Variants in MIR2052HG observed in about 807,000 individuals in gnomAD.
MIR2052HG encodes the protein MIR2052 host gene.
At chr8:74,653,206 C>T (rs1410693406) in intron 2 of MIR2052HG, among the ~76,000 whole-genome samples, 2 of 152,260 alleles carry the variant, frequency 1.3e-5, no homozygotes, top group African/African-American at 4.8e-5. Flanking sequence ...TTAATTCTAT[C>T]CTCTTATCAT....
At chr8:74,647,953 A>G (rs970860021) in intron 2 of MIR2052HG, among the ~76,000 whole-genome samples, 27 of 152,152 alleles carry the variant, frequency 1.8e-4, no homozygotes, top group African/African-American at 6.3e-4. Flanking sequence ...ATGTCACCTC[A>G]AGACCACTAT....
chr8:74,621,002 T>G (rs935412438), intron 2 of MIR2052HG, among the ~76,000 whole-genome samples: 2 of 152,358 alleles, frequency 1.3e-5, no homozygotes, highest in Admixed American at 1.3e-4. Flanking sequence ...AAGTTCAAAG[T>G]TCCACAGATC....
At chr8:74,711,201 G>A (rs1335706560) in intron 4 of MIR2052HG, among the ~76,000 whole-genome samples, 2 of 152,162 alleles carry the variant, frequency 1.3e-5, no homozygotes, top group African/African-American at 4.8e-5. Context: ...TATTCTAGCT[G>A]TCACACATTC....
chr8:74,648,628 ATT>A (rs1203100391), intron 2 of MIR2052HG, among the ~76,000 whole-genome samples: 5 of 152,076 alleles, frequency 3.3e-5, no homozygotes, highest in African/African-American at 1.2e-4. Context: ...CAGCTGTAAA[ATT>A]TCTCTCTTTG....
At chr8:74,682,119 C>T (rs1809132072) in intron 2 of MIR2052HG, among the ~76,000 whole-genome samples, 2 of 152,172 alleles carry the variant, frequency 1.3e-5, no homozygotes, top group South Asian at 2.1e-4. Context: ...CATATCAAAA[C>T]ATCATGTTGT....
chr8:74,725,480 C>T (rs972855763), intron 4 of MIR2052HG, among the ~76,000 whole-genome samples: 12 of 152,186 alleles, frequency 7.9e-5, no homozygotes, highest in African/African-American at 2.2e-4. Context: ...ATAATGGCAA[C>T]GGGGTGGCTA....
intron 2 of MIR2052HG, among the ~76,000 whole-genome samples, chr8:74,685,222 T>A (rs2128739427): frequency 6.6e-6 from 1 of 152,210 alleles, no homozygotes; most frequent in Non-Finnish European, 1.5e-5. Context: ...TTAAAATAAT[T>A]TCTTTCTTCT....
chr8:74,674,104 T>TACATGGTGTAGACCGG (rs1264941192), intron 2 of MIR2052HG, among the ~76,000 whole-genome samples: 33 of 150,660 alleles, frequency 2.2e-4, no homozygotes, highest in African/African-American at 7.6e-4. Context: ...GTTACAATGA[T>TACATGGTGTAGACCGG]ACATGGTGTA....
At chr8:74,647,373 G>A (rs1390703438) in intron 2 of MIR2052HG, among the ~76,000 whole-genome samples, 3 of 152,136 alleles carry the variant, frequency 2.0e-5, no homozygotes, top group Admixed American at 6.6e-5. Flanking sequence ...TTCTTACAAG[G>A]TGGTTTGAGG....
At chr8:74,600,626 A>G (rs1459421283) in intron 1 of MIR2052HG, among the ~76,000 whole-genome samples, 4 of 150,900 alleles carry the variant, frequency 2.7e-5, no homozygotes, top group Non-Finnish European at 5.9e-5. Flanking sequence ...AGCAGGCTGG[A>G]GTGCGGTGGC....
Position 74,644,083 on chromosome 8 carries a change from C to T in MIR2052HG, n.216+31143C>T, listed in dbSNP as rs150318355. On this transcript the variant is annotated intron_variant and non_coding_transcript_variant, in intron 2 of 6. Transcript: ENST00000523442. The stretch of plus-strand genomic sequence containing the variant: ...TACATATTGCCCAGTCAGTGAAGTC[C>T]GAACTCACTAGTATGAGATGTAAAA... Among the ~76,000 whole-genome samples the T allele has an allele frequency of 1.4e-3, 210 of 152,220 alleles. 1 individual carries two copies. Among genetic ancestry groups the T allele is most frequent in the African/African-American group, 4.1e-3 (171 of 41,546 alleles).
At chr8:74,705,115 G>T (rs1045607254) in intron 4 of MIR2052HG, among the ~76,000 whole-genome samples, 1 of 151,334 alleles carries the variant, frequency 6.6e-6, no homozygotes, top group Non-Finnish European at 1.5e-5. Context: ...GGCAACTTTT[G>T]CATCAGAGTT....
intron 4 of MIR2052HG, among the ~76,000 whole-genome samples, chr8:74,742,822 T>C (rs1428517300): frequency 1.3e-5 from 2 of 152,170 alleles, no homozygotes; most frequent in Non-Finnish European, 2.9e-5. Flanking sequence ...TGACTGAAGA[T>C]GGTTGAACTC....
intron 2 of MIR2052HG, among the ~76,000 whole-genome samples, chr8:74,661,200 C>CT (rs552416471): frequency 0.086 from 10,963 of 127,422 alleles, 579 homozygotes; most frequent in Non-Finnish European, 0.095. Flanking sequence ...AGCTTAGGTC[C>CT]TTTTTTTTTT....
At chr8:74,601,473 C>A (rs1807999903) in intron 1 of MIR2052HG, among the ~76,000 whole-genome samples, 1 of 152,146 alleles carries the variant, frequency 6.6e-6, no homozygotes, top group Non-Finnish European at 1.5e-5. Context: ...CATTCCAAGG[C>A]CCAGTTCTTT....
chr8:74,641,829 G>A (rs1003491263), intron 2 of MIR2052HG, among the ~76,000 whole-genome samples: 4 of 152,132 alleles, frequency 2.6e-5, no homozygotes, highest in African/African-American at 9.7e-5. Flanking sequence ...TAAGTCAAAT[G>A]TACATTAATA....
intron 2 of MIR2052HG, among the ~76,000 whole-genome samples, chr8:74,663,243 A>T (rs577520310): frequency 2.0e-5 from 3 of 152,290 alleles, no homozygotes; most frequent in Admixed American, 1.3e-4. Context: ...AAAAAAGAGC[A>T]TCATGCCACA....
chr8:74,640,715 A>C (rs2128735232), intron 2 of MIR2052HG, among the ~76,000 whole-genome samples: 1 of 152,300 alleles, frequency 6.6e-6, no homozygotes, highest in South Asian at 2.1e-4. Flanking sequence ...GAGATCTAAC[A>C]GTATCCCAGG....
chr8:74,698,934 G>T (rs1173020586), intron 2 of MIR2052HG, among the ~76,000 whole-genome samples: 2 of 151,852 alleles, frequency 1.3e-5, no homozygotes, highest in African/African-American at 2.4e-5. Flanking sequence ...AACAAGAAAA[G>T]AAAGAAAAGG....
Sources: allele counts gnomAD v4.1 joint callset (sites outside exome capture counted in the v4.1 genomes callset), GRCh38; gene constraint gnomAD v4.1.1; transcripts MANE v1.5; gene names NCBI Gene and HGNC (gene_info 2026-07-23, HGNC 2026-07-21).